ATP9B: variants seen among roughly 807,000 people sequenced by gnomAD.
The protein encoded by ATP9B is probable phospholipid-transporting ATPase IIB.
Under a neutral mutation model 146.1 loss-of-function variants are expected in ATP9B, and 110 were observed. That is an observed-to-expected ratio of 0.75 (90% CI 0.65 to 0.88). The LOEUF (loss-of-function observed/expected upper bound fraction) is 0.88, where lower values mean the gene tolerates loss of function less well. Among genes scored for constraint, ATP9B ranks in the 40% least tolerant of loss-of-function variants. The pLI, the probability that ATP9B is intolerant of heterozygous loss-of-function variation, is 0.00. For missense variants in ATP9B, 1,499 were observed against 1,496.4 expected, an observed-to-expected ratio of 1.00 and a Z score of -0.03; for synonymous variants, 604 against 569.7, an observed-to-expected ratio of 1.06 and a Z score of -0.86.
In ATP9B at chr18:79,154,527, G is replaced by A; in HGVS notation, c.750G>A (p.Met250Ile). ...VEKNQRIPSD[M>I]VFLRTSEKAG... is the part of the protein sequence containing the mutation. ...AGAATCAAAGAATTCCATCGGACAT[G>A]GTGTTTCTTAGGACTTCAGAAAAAG... The change falls in exon 7 of 30, where the codon ATG becomes ATA. Residue 250 changes from methionine to isoleucine, a missense_variant. By Grantham distance (10) the Met-to-Ile change is conservative. Transcript: ENST00000426216. 2 of 1,538,920 alleles carry A rather than the reference G, an allele frequency of 1.3e-6. No individual in the cohort carries two copies. Among genetic ancestry groups the A allele is most frequent in the Non-Finnish European group, 1.7e-6 (2 of 1,151,168 alleles).
chr18:79,164,602 C>G (rs2094936717), intron 7 of ATP9B, among the ~76,000 whole-genome samples: 1 of 152,046 alleles, frequency 6.6e-6, no homozygotes, highest in African/African-American at 2.4e-5. Context: ...GCCTGTAGTC[C>G]CAGCTACTCA....
chr18:79,329,415 G>T, intron 16 of ATP9B, 113 bp downstream of exon 16: 5 of 1,168,592 alleles, frequency 4.3e-6, no homozygotes, highest in South Asian at 2.2e-5. Context: ...GCTTTATGCT[G>T]TTACAGTTTT....
At chr18:79,288,216 G>T (rs1200158121) in intron 13 of ATP9B, among the ~76,000 whole-genome samples, 1 of 150,056 alleles carries the variant, frequency 6.7e-6, no homozygotes, top group African/African-American at 2.4e-5. Context: ...TGACAGTGGG[G>T]TGTTAAAGTC....
At chr18:79,356,151 C>T (rs151268871) in intron 25 of ATP9B, among the ~76,000 whole-genome samples, 7 of 152,278 alleles carry the variant, frequency 4.6e-5, no homozygotes, top group Admixed American at 2.0e-4. Context: ...AAATGATGAG[C>T]GCATCGTCAG....
chr18:79,310,189 G>A (rs1184453771), intron 15 of ATP9B, among the ~76,000 whole-genome samples: 1 of 152,192 alleles, frequency 6.6e-6, no homozygotes, highest in African/African-American at 2.4e-5. Context: ...TGCTGTGGAA[G>A]GGTGAGAATA....
intron 15 of ATP9B, among the ~76,000 whole-genome samples, chr18:79,324,189 G>A (rs1296082625): frequency 6.6e-6 from 1 of 151,982 alleles, no homozygotes; most frequent in African/African-American, 2.4e-5. Flanking sequence ...CAATGATCTG[G>A]TAGATTCTGC....
chr18:79,265,962 C>A (rs1160173347), intron 12 of ATP9B, among the ~76,000 whole-genome samples: 5 of 152,154 alleles, frequency 3.3e-5, no homozygotes, highest in African/African-American at 1.2e-4. Context: ...AAATGGCCAG[C>A]CAGTTATCTC....
chr18:79,162,192 G>A (rs1424973156), intron 7 of ATP9B, among the ~76,000 whole-genome samples: 2 of 152,176 alleles, frequency 1.3e-5, no homozygotes, highest in Admixed American at 6.5e-5. Flanking sequence ...AATATATGCA[G>A]CATATCCCAG....
chr18:79,352,158 C>T (rs2096925741), intron 25 of ATP9B, among the ~76,000 whole-genome samples: 2 of 152,234 alleles, frequency 1.3e-5, no homozygotes, highest in South Asian at 4.1e-4. Context: ...CGGCGAGGAC[C>T]TCACACACAG....
At chr18:79,123,353 C>T (rs1011468091) in intron 4 of ATP9B, among the ~76,000 whole-genome samples, 7 of 151,566 alleles carry the variant, frequency 4.6e-5, no homozygotes, top group African/African-American at 1.7e-4. Context: ...AAGCTTAAAG[C>T]ATGAAATTAC....
At chr18:79,149,276 G>A (rs989039588) in intron 6 of ATP9B, among the ~76,000 whole-genome samples, 12 of 152,142 alleles carry the variant, frequency 7.9e-5, no homozygotes, top group African/African-American at 1.9e-4. Context: ...GGCATATTGC[G>A]TAGTTACATT....
chr18:79,268,097 C>A (rs1258092262), intron 12 of ATP9B, among the ~76,000 whole-genome samples: 1 of 152,060 alleles, frequency 6.6e-6, no homozygotes, highest in Non-Finnish European at 1.5e-5. Context: ...TATAAAGGGA[C>A]TTTCTTTATC....
rs1568500563 is a variant in ATP9B, at chr18:79,253,385, G to C, written c.1112G>C (p.Gly371Ala). ...MNTSNPKNKVGLLDLELNRLT... is the reference protein window; with the variant it reads ...MNTSNPKNKVALLDLELNRLT... Reference sequence around the variant, plus strand: ...TATTATGTGTTTTTCTTTCAGGTTGGTTTGTTGGACCTTGAACTCAATCGG... The same window carrying C: ...TATTATGTGTTTTTCTTTCAGGTTGCTTTGTTGGACCTTGAACTCAATCGG... Residue 371 changes from glycine (G) to alanine (A), a missense_variant, in exon 12 of 30, where the codon GGT becomes GCT. Transcript: ENST00000426216. The C allele has an allele frequency of 6.2e-7, 1 of 1,604,378 alleles. No individual in the cohort carries two copies. The highest frequency in any genetic ancestry group is 1.7e-5 in the Admixed American group (1 of 57,332).
chr18:79,196,167 G>A (rs1340250063), intron 9 of ATP9B, among the ~76,000 whole-genome samples: 1 of 152,204 alleles, frequency 6.6e-6, no homozygotes, highest in Non-Finnish European at 1.5e-5. Flanking sequence ...AGGCTCAGGG[G>A]AAGAATGTGT....
At chr18:79,247,293 G>T (rs1403816713) in intron 11 of ATP9B, among the ~76,000 whole-genome samples, 2 of 152,160 alleles carry the variant, frequency 1.3e-5, no homozygotes, top group Non-Finnish European at 2.9e-5. Flanking sequence ...GTTTTGTAAG[G>T]GCGAGCATGA....
At chr18:79,322,500 A>G (rs1028253057) in intron 15 of ATP9B, among the ~76,000 whole-genome samples, 11 of 152,158 alleles carry the variant, frequency 7.2e-5, no homozygotes, top group Admixed American at 2.6e-4. Flanking sequence ...ATTCCACCCC[A>G]GGCAGGGGCA....
At chr18:79,070,866 C>A (rs191656915) in intron 1 of ATP9B, among the ~76,000 whole-genome samples, 1 of 151,734 alleles carries the variant, frequency 6.6e-6, no homozygotes, top group Admixed American at 6.6e-5. Context: ...TTTCAACTTA[C>A]CTATGTTGAA....
At chr18:79,199,246 C>A (rs2095443392) in intron 9 of ATP9B, among the ~76,000 whole-genome samples, 2 of 152,048 alleles carry the variant, frequency 1.3e-5, no homozygotes, top group Admixed American at 6.5e-5. Flanking sequence ...CCTGTAAACT[C>A]ATTTTTACAT....
chr18:79,265,759 A>C (rs777811590), intron 12 of ATP9B, among the ~76,000 whole-genome samples: 9 of 152,022 alleles, frequency 5.9e-5, no homozygotes, highest in African/African-American at 2.2e-4. Flanking sequence ...TCTTCATCAT[A>C]AAATCTTCAC....
Sources: gnomAD v4.1 joint callset for allele counts (sites outside exome capture counted in the v4.1 genomes callset) on GRCh38, gnomAD v4.1.1 for gene constraint, MANE v1.5 for transcripts, NCBI Gene and HGNC (gene_info 2026-07-23, HGNC 2026-07-21) for gene names.